UNC13C: variants seen among roughly 807,000 people sequenced by gnomAD.
UNC13C encodes the protein unc-13 homolog C.
A neutral mutation model predicts 245.4 loss-of-function variants in UNC13C; 174 were observed. The ratio of observed to expected loss-of-function variants is 0.71; its 90% confidence interval spans 0.63 to 0.80. UNC13C has a LOEUF of 0.80. Ranked by LOEUF, UNC13C falls within the 30% of genes least tolerant of loss-of-function variation. The pLI is 0.00. For missense variants in UNC13C, 2,829 were observed against 2,602.9 expected, an observed-to-expected ratio of 1.09 and a Z score of -1.89; for synonymous variants, 992 against 895.1, an observed-to-expected ratio of 1.11 and a Z score of -1.93.
chr15:53,958,098 A>G, the UNC13C span, among the ~76,000 whole-genome samples: 2 of 152,208 alleles, frequency 1.3e-5, no homozygotes, highest in Non-Finnish European at 2.9e-5. Flanking sequence ...TAATAGGAGC[A>G]TGAGAAATAC....
chr15:54,261,746 A>G (rs1455104275), intron 8 of UNC13C, among the ~76,000 whole-genome samples: 1 of 152,080 alleles, frequency 6.6e-6, no homozygotes, highest in Non-Finnish European at 1.5e-5. Context: ...GAGTTTCACC[A>G]TGTTAGCCAG....
At chr15:53,962,223 G>T in the UNC13C span, among the ~76,000 whole-genome samples, 1 of 151,934 alleles carries the variant, frequency 6.6e-6, no homozygotes, top group Non-Finnish European at 1.5e-5. Context: ...TAAGCATTTT[G>T]CTGGCTTACA....
chr15:53,918,816 T>A, the UNC13C span, among the ~76,000 whole-genome samples: 1 of 152,226 alleles, frequency 6.6e-6, no homozygotes. Flanking sequence ...GGGATTTATC[T>A]GGTACTATAA....
At chr15:54,252,880 C>T (rs964283597) in intron 8 of UNC13C, among the ~76,000 whole-genome samples, 8 of 152,260 alleles carry the variant, frequency 5.3e-5, no homozygotes, top group Non-Finnish European at 1.2e-4. Context: ...TAACTCATGA[C>T]TTTAGAATGC....
the UNC13C span, among the ~76,000 whole-genome samples, chr15:53,959,105 G>A: frequency 1.3e-5 from 2 of 152,162 alleles, no homozygotes; most frequent in Admixed American, 1.3e-4. Context: ...TTCCATCCAC[G>A]TTGCTGTAAA....
intron 19 of UNC13C, among the ~76,000 whole-genome samples, chr15:54,458,968 A>G (rs1003668406): frequency 6.6e-6 from 1 of 151,038 alleles, no homozygotes; most frequent in Non-Finnish European, 1.5e-5. Context: ...TCTTTTTTTC[A>G]TTGTGTTATT....
the UNC13C span, among the ~76,000 whole-genome samples, chr15:53,878,545 G>C: frequency 2.0e-5 from 3 of 152,248 alleles, no homozygotes; most frequent in South Asian, 6.2e-4. Flanking sequence ...GGCCTGGCTG[G>C]GGTTCCATTT....
intron 7 of UNC13C, among the ~76,000 whole-genome samples, chr15:54,245,567 A>T (rs1252921091): frequency 1.3e-5 from 2 of 152,164 alleles, no homozygotes; most frequent in Non-Finnish European, 2.9e-5. Context: ...GATTACTTAG[A>T]TGAGCAAATC....
the UNC13C span, among the ~76,000 whole-genome samples, chr15:53,965,464 C>T: frequency 6.6e-6 from 1 of 151,782 alleles, no homozygotes; most frequent in Non-Finnish European, 1.5e-5. Flanking sequence ...GAGCTCTCTC[C>T]TTTTAATCAG....
intron 13 of UNC13C, among the ~76,000 whole-genome samples, chr15:54,309,440 C>A (rs1172481094): frequency 3.3e-5 from 5 of 151,788 alleles, no homozygotes; most frequent in African/African-American, 1.2e-4. Flanking sequence ...AATTTTTTCT[C>A]CCACATTGTA....
At chr15:54,269,123 C>A (rs2036621858) in intron 10 of UNC13C, among the ~76,000 whole-genome samples, 1 of 151,486 alleles carries the variant, frequency 6.6e-6, no homozygotes, top group African/African-American at 2.4e-5. Context: ...AACTATCTAC[C>A]TTGGTTTCTA....
intron 22 of UNC13C, among the ~76,000 whole-genome samples, chr15:54,501,826 G>A (rs907092184): frequency 3.9e-5 from 6 of 152,082 alleles, no homozygotes; most frequent in African/African-American, 1.2e-4. Flanking sequence ...GAGGAATAGC[G>A]GGAACAAAGG....
chr15:54,156,792 T>G (rs769418047), intron 4 of UNC13C, among the ~76,000 whole-genome samples: 1 of 151,102 alleles, frequency 6.6e-6, no homozygotes, highest in Non-Finnish European at 1.5e-5. Flanking sequence ...CTAGACATAT[T>G]TGATGAAAGA....
At chr15:54,035,434 T>C (rs946204203) in intron 2 of UNC13C, among the ~76,000 whole-genome samples, 1 of 152,206 alleles carries the variant, frequency 6.6e-6, no homozygotes, top group Admixed American at 6.5e-5. Flanking sequence ...GTGATGGTGA[T>C]GAGAATTTGG....
chr15:53,877,750 T>C, the UNC13C span, among the ~76,000 whole-genome samples: 1 of 152,156 alleles, frequency 6.6e-6, no homozygotes, highest in Non-Finnish European at 1.5e-5. Context: ...CACATGTACT[T>C]ATCCGTGTAA....
chr15:54,088,816 T>G (rs1899397181), intron 2 of UNC13C, among the ~76,000 whole-genome samples: 1 of 152,222 alleles, frequency 6.6e-6, no homozygotes, highest in African/African-American at 2.4e-5. Flanking sequence ...TTTTCTGCCT[T>G]TTCTTGCATA....
At chr15:53,925,701 G>A in the UNC13C span, among the ~76,000 whole-genome samples, 6 of 152,190 alleles carry the variant, frequency 3.9e-5, no homozygotes, top group East Asian at 1.9e-4. Flanking sequence ...CTGTAGTGTC[G>A]GGAGAAACAA....
intron 19 of UNC13C, among the ~76,000 whole-genome samples, chr15:54,453,086 C>CA (rs1236233454): frequency 3.3e-5 from 5 of 152,116 alleles, no homozygotes; most frequent in African/African-American, 1.2e-4. Context: ...TATGAGGGAC[C>CA]AAACCTGAGC....
At chr15:54,162,148 G>A (rs1411390119) in intron 4 of UNC13C, among the ~76,000 whole-genome samples, 2 of 152,136 alleles carry the variant, frequency 1.3e-5, no homozygotes, top group Non-Finnish European at 2.9e-5. Context: ...CGTGGCTGAT[G>A]TCTATTGTTT....
Sources: gnomAD v4.1 joint callset for allele counts (sites outside exome capture counted in the v4.1 genomes callset) on GRCh38, gnomAD v4.1.1 for gene constraint, MANE v1.5 for transcripts, NCBI Gene and HGNC (gene_info 2026-07-23, HGNC 2026-07-21) for gene names.